The following SOX13 variants were observed in gnomAD, a reference collection of about 807,000 sequenced individuals.
SOX13 encodes SRY-box transcription factor 13, also known as transcription factor SOX-13.
In SOX13, 28 loss-of-function variants were observed where a neutral mutation model predicts 71.8. The ratio of observed to expected loss-of-function variants is 0.39; its 90% CI spans 0.29 to 0.53. The LOEUF is 0.53. Among genes scored for constraint, SOX13 ranks in the 20% least tolerant of loss-of-function variants. SOX13 has a pLI of 0.70. For missense variants in SOX13, 627 were observed against 810.3 expected (o/e 0.77, Z 2.75); for synonymous variants, 309 against 317.8 (o/e 0.97, Z 0.29).
chr1:204,124,900 A>G (rs553246808), intron 13 of SOX13, 43 bp downstream of exon 13: 1 of 1,417,052 alleles, frequency 7.1e-7, no homozygotes, highest in African/African-American at 1.4e-5. Context: ...CTGTGTGTAC[A>G]TGTGTAGCTC....
intron 1 of SOX13, among the ~76,000 whole-genome samples, chr1:204,111,138 A>G (rs1338804147): frequency 6.6e-6 from 1 of 152,214 alleles, no homozygotes; most frequent in Non-Finnish European, 1.5e-5. Flanking sequence ...ATGTGATGTT[A>G]TTTGGAAATG....
Position 204,126,256 on chromosome 1 carries a change from C to T in SOX13, c.*122C>T. On this transcript the variant is annotated 3_prime_UTR_variant, in exon 14 of 14. Coordinates refer to ENST00000367204, the MANE Select transcript of SOX13 (RefSeq NM_005686.3). ...GACTTGTTCGTGCCCCAGAGATGGGCAAAGCTGTGCACTTGCAGATACATT... is the reference window on the plus strand; with the variant it reads ...GACTTGTTCGTGCCCCAGAGATGGGTAAAGCTGTGCACTTGCAGATACATT... 3.8e-6 allele frequency: 4 copies of T among 1,043,336 alleles called. No individual in the cohort carries two copies. The highest frequency in any genetic ancestry group is 3.1e-5 in the South Asian group (2 of 63,608). 64.6% of individuals were successfully genotyped at this position (1,043,336 alleles called of 1,614,324 possible). A position where few individuals can be genotyped will look rare whatever the true frequency, so the allele number is the denominator to read the frequency against.
intron 1 of SOX13, among the ~76,000 whole-genome samples, chr1:204,090,739 G>C (rs1656124958): frequency 6.6e-6 from 1 of 152,190 alleles, no homozygotes; most frequent in African/African-American, 2.4e-5. Flanking sequence ...AAAGGCTCAG[G>C]AAAGGATGAA....
intron 7 of SOX13, among the ~76,000 whole-genome samples, chr1:204,120,622 C>T (rs981287472): frequency 2.6e-5 from 4 of 152,246 alleles, no homozygotes; most frequent in African/African-American, 9.6e-5. Context: ...ACACACCCCA[C>T]CACTCCATCT....
Position 204,113,813 on chromosome 1 carries a change from G to A in SOX13, c.220-508G>A, listed in dbSNP as rs1489003736. ...TAAAGGATGGGGAGGACTTTGACGA[G>A]AAGAGGAGTGAGGCAGGCAGTGGGG... is the stretch of plus-strand genomic sequence containing the variant. On this transcript the variant is annotated intron_variant, in intron 2 of 13. Transcript: ENST00000367204. Among the ~76,000 whole-genome samples the A allele has an allele frequency of 2.0e-5, 3 of 152,128 alleles. No homozygotes were observed. The East Asian group carries it at 5.8e-4, about 29-fold the overall frequency.
In SOX13 at chr1:204,081,968, A is replaced by T. The variant is rs1655915991; in HGVS notation, c.-2+8257A>T. On this transcript the variant is annotated intron_variant, in intron 1 of 13. Transcript: ENST00000367204. This position sits in a 1 kb window ranked among gnomAD's most constrained non-coding sequence, Gnocchi z 4.3. Reference sequence around the variant, plus strand: ...GCTCAGAGGCAGGTGGGGTGAGGGCAGTGGGGCTTGAATAGGGCGCTGTCG... The same window carrying T: ...GCTCAGAGGCAGGTGGGGTGAGGGCTGTGGGGCTTGAATAGGGCGCTGTCG... Among the ~76,000 whole-genome samples the T allele has an allele frequency of 1.3e-5, 2 of 150,834 alleles. No individual in the cohort carries two copies. Among genetic ancestry groups the T allele is most frequent in the Admixed American group, 6.6e-5 (1 of 15,150 alleles).
Position 204,122,276 on chromosome 1 carries a change from GC to G in SOX13, c.906del (p.Glu303SerfsTer11), listed in dbSNP as rs1462493784. 1.3e-6 allele frequency: 2 copies of G among 1,589,558 alleles called. No homozygotes were observed. Among genetic ancestry groups the G allele is most frequent in the Admixed American group, 1.8e-5 (1 of 56,658 alleles). On this transcript the variant is annotated frameshift_variant, in exon 9 of 14. Transcript: ENST00000367204. LOFTEE classifies it high-confidence loss of function. ...QPLNLTAKPKAPELPNTSSSP... is the reference protein window; with the variant it reads ...QPLNLTAKPKXPELPNTSSSP... ...CCTGAACCTCACAGCCAAGCCCAAG[GC>G]CCCCGAGCTGCCCAACACCTCCAGC...
chr1:204,112,624 C>T (rs369469136), intron 1 of SOX13, among the ~76,000 whole-genome samples: 15 of 152,106 alleles, frequency 9.9e-5, no homozygotes, highest in Non-Finnish European at 1.6e-4. Flanking sequence ...CCACTAGTCC[C>T]GTAGTCCCAA....
intron 1 of SOX13, among the ~76,000 whole-genome samples, chr1:204,092,918 GC>G (rs1441416009): frequency 1.3e-5 from 2 of 151,014 alleles, no homozygotes; most frequent in Non-Finnish European, 3.0e-5. Context: ...TAACTGAAAT[GC>G]CATTAATCAC....
chr1:204,121,878 C>T, intron 7 of SOX13, 22 bp from the exon 8 acceptor site: 1 of 1,579,206 alleles, frequency 6.3e-7, no homozygotes, highest in Non-Finnish European at 8.7e-7. Flanking sequence ...CAGGACTTTT[C>T]TCCTTGCTGC....
At chr1:204,086,871 C>G (rs1014046250) in intron 1 of SOX13, among the ~76,000 whole-genome samples, 1 of 151,822 alleles carries the variant, frequency 6.6e-6, no homozygotes, top group African/African-American at 2.4e-5. Context: ...TGTCCGAAGC[C>G]TGTCTGGGCC....
At position 204,105,423 on chromosome 1, in the gene SOX13, TGA is replaced by T. The variant is rs1353032834; in HGVS notation, c.-1-7489_-1-7488del. On this transcript the variant is annotated intron_variant, in intron 1 of 13. Coordinates refer to ENST00000367204, the MANE Select transcript of SOX13 (RefSeq NM_005686.3). Reference sequence around the variant, plus strand: ...GACTCTGTATAATCTCTTTTTTTTTTGAGACAGAGTCTCCCTCAGTCACCCAG... The same window carrying T: ...GACTCTGTATAATCTCTTTTTTTTTTGACAGAGTCTCCCTCAGTCACCCAG... 5.0e-4 allele frequency among the ~76,000 whole-genome samples: 75 copies of T among 149,918 alleles called. 2 individuals are homozygous for T. The highest frequency in any genetic ancestry group is 2.1e-3 in the Admixed American group (31 of 15,088).
At chr1:204,084,987 G>A (rs1257129943) in intron 1 of SOX13, among the ~76,000 whole-genome samples, 1 of 152,226 alleles carries the variant, frequency 6.6e-6, no homozygotes, top group East Asian at 1.9e-4. Flanking sequence ...GATGGGAAAA[G>A]CATCTGGAGA....
intron 1 of SOX13, among the ~76,000 whole-genome samples, chr1:204,075,934 C>T (rs749255953): frequency 2.0e-5 from 3 of 152,212 alleles, no homozygotes; most frequent in Non-Finnish European, 4.4e-5. Context: ...TTGTGCTCAA[C>T]TAATCAATTA....
chr1:204,086,930 T>C (rs911007399), intron 1 of SOX13, among the ~76,000 whole-genome samples: 2 of 148,990 alleles, frequency 1.3e-5, no homozygotes, highest in African/African-American at 4.9e-5. Context: ...CTCCTTCCTT[T>C]TTTTTTTTTT....
chr1:204,109,527 A>G (rs1656535825), intron 1 of SOX13, among the ~76,000 whole-genome samples: 1 of 152,246 alleles, frequency 6.6e-6, no homozygotes, highest in African/African-American at 2.4e-5. Context: ...GAAATAGGCT[A>G]TACCATACAG....
intron 1 of SOX13, among the ~76,000 whole-genome samples, chr1:204,099,850 G>A (rs1025648304): frequency 5.9e-5 from 9 of 152,200 alleles, no homozygotes; most frequent in Admixed American, 2.0e-4. Flanking sequence ...CTCAATAAAC[G>A]TTAGCCATAG....
chr1:204,107,261 C>CATACA (rs1656488719), intron 1 of SOX13, among the ~76,000 whole-genome samples: 1 of 152,192 alleles, frequency 6.6e-6, no homozygotes, highest in African/African-American at 2.4e-5. Context: ...TCATACAAGT[C>CATACA]AGCCTGTGGC....
chr1:204,086,107 G>A (rs1290673163), intron 1 of SOX13, among the ~76,000 whole-genome samples: 1 of 152,240 alleles, frequency 6.6e-6, no homozygotes, highest in East Asian at 1.9e-4. Flanking sequence ...ACAGCTGGAG[G>A]AGTGGCCTGG....
Sources: allele counts gnomAD v4.1 joint callset (sites outside exome capture counted in the v4.1 genomes callset), GRCh38; gene constraint gnomAD v4.1.1; non-coding constraint Gnocchi (gnomAD v3.1); transcripts MANE v1.5; gene names NCBI Gene and HGNC (gene_info 2026-07-23, HGNC 2026-07-21).